The following CTNND2 variants were observed in gnomAD, a reference collection of about 807,000 sequenced individuals.
The protein encoded by CTNND2 is catenin delta-2.
In CTNND2, 22 loss-of-function variants were observed where a neutral mutation model predicts 144.4. The observed-to-expected ratio is 0.15, with a 90% confidence interval of 0.11 to 0.22. The LOEUF (loss-of-function observed/expected upper bound fraction) is 0.22. Among genes scored for constraint, CTNND2 ranks in the 10% least tolerant of loss-of-function variants. CTNND2 has a pLI of 1.00. For synonymous variants in CTNND2, 751 were observed against 695.6 expected, an observed-to-expected ratio of 1.08 and a Z score of -1.25; for missense variants, 1,353 against 1,618.8, an observed-to-expected ratio of 0.84 and a Z score of 2.82.
intron 3 of CTNND2, among the ~76,000 whole-genome samples, chr5:11,536,777 G>A (rs7730704): frequency 0.46 from 69,853 of 151,770 alleles, 16,512 homozygotes; most frequent in Middle Eastern, 0.59. Context: ...GGTACAGTGC[G>A]CACTGTTCGG....
rs546278300 is a variant in CTNND2, at chr5:11,714,011, A to T, written c.174+18125T>A. ...GACCGTAGCCTCGACAACAAGTTCA[A>T]TATTAGTTTAACTGTAAATTACATT... On this transcript the variant is annotated intron_variant, in intron 2 of 21. Transcript: ENST00000304623. 2.6e-5 allele frequency among the ~76,000 whole-genome samples: 4 copies of T among 152,310 alleles called. No individual in the cohort carries two copies. The South Asian group carries it at 8.3e-4, about 32-fold the overall frequency.
chr5:11,413,924 A>C (rs1407031797), intron 3 of CTNND2, among the ~76,000 whole-genome samples: 1 of 152,174 alleles, frequency 6.6e-6, no homozygotes, highest in East Asian at 1.9e-4. Flanking sequence ...CCTCTCTCAA[A>C]AGATATGTCC....
chr5:11,458,565 G>A (rs531057258), intron 3 of CTNND2, among the ~76,000 whole-genome samples: 3 of 152,226 alleles, frequency 2.0e-5, no homozygotes, highest in Non-Finnish European at 2.9e-5. Flanking sequence ...AGGCAGAGGT[G>A]GAAACCAGGA....
At chr5:11,673,358 G>A (rs181946799) in intron 2 of CTNND2, among the ~76,000 whole-genome samples, 357 of 152,180 alleles carry the variant, frequency 2.3e-3, no homozygotes, top group Non-Finnish European at 4.3e-3. Flanking sequence ...CTATTATTAC[G>A]CAGATGAATA....
chr5:11,562,445 A>G (rs1230013916), intron 3 of CTNND2, among the ~76,000 whole-genome samples: 2 of 152,242 alleles, frequency 1.3e-5, no homozygotes, highest in Non-Finnish European at 2.9e-5. Flanking sequence ...AAACAGTGGA[A>G]GTGATGCTAT....
intron 1 of CTNND2, among the ~76,000 whole-genome samples, chr5:11,735,575 C>T (rs1470653444): frequency 1.3e-5 from 2 of 152,292 alleles, no homozygotes; most frequent in South Asian, 2.1e-4. Flanking sequence ...TGAATGGTAG[C>T]TTCCATAATC....
chr5:11,022,867 C>T lies in CTNND2; in HGVS notation c.2901G>A (p.Leu967=), dbSNP rs1381231847. Residue 967 remains leucine, a synonymous_variant, in exon 17 of 22, where the codon CTG becomes CTA. Transcript: ENST00000304623. ...CCATGTTCTTGGTAATCACTTCGTG[C>T]AGTGTGCAGCAGACAGCTGTCACTG... is the stretch of plus-strand genomic sequence containing the variant. The part of the protein sequence containing the change: ...DDTVTAVCCT[L]HEVITKNMEN... 1 of 1,614,250 alleles carries T rather than the reference C, an allele frequency of 6.2e-7. No individual in the cohort carries two copies. The highest frequency in any genetic ancestry group is 2.2e-5 in the East Asian group (1 of 44,890).
intron 21 of CTNND2, among the ~76,000 whole-genome samples, chr5:10,978,441 C>T (rs535854921): frequency 2.2e-4 from 34 of 152,326 alleles, no homozygotes; most frequent in African/African-American, 7.2e-4. Context: ...TGCTTTCTTT[C>T]CTTCCTCTCC....
intron 10 of CTNND2, among the ~76,000 whole-genome samples, chr5:11,229,619 A>T (rs1045695553): frequency 9.9e-5 from 15 of 151,866 alleles, no homozygotes; most frequent in Non-Finnish European, 1.5e-5. Context: ...ACTAAGATAC[A>T]TATTACCTTG....
intron 9 of CTNND2, among the ~76,000 whole-genome samples, chr5:11,269,069 C>T (rs1013717014): frequency 5.3e-5 from 8 of 152,234 alleles, no homozygotes; most frequent in African/African-American, 1.9e-4. Context: ...TGGAGGCTAC[C>T]TGCCTTGGCT....
rs562884473 is a variant in CTNND2 at position 11,717,852 on chromosome 5, C to T, written c.174+14284G>A. ...TCAGTTATCTCCACCTGGCCCCACT[C>T]TTGACATCTGGGGATTATTACAATT... is the stretch of plus-strand genomic sequence containing the variant. On this transcript the variant is annotated intron_variant, in intron 2 of 21. Coordinates refer to ENST00000304623, the MANE Select transcript of CTNND2 (RefSeq NM_001332.4). Among the ~76,000 whole-genome samples the T allele has an allele frequency of 3.5e-4, 54 of 152,268 alleles. 1 individual carries two copies. The highest frequency in any genetic ancestry group is 1.3e-3 in the African/African-American group (53 of 41,550).
intron 3 of CTNND2, among the ~76,000 whole-genome samples, chr5:11,454,977 AAAATGGAATGCTGGC>A (rs1765612089): frequency 6.6e-6 from 1 of 151,920 alleles, no homozygotes; most frequent in Admixed American, 6.6e-5. Flanking sequence ...TGAGTATTAG[AAAATGGAATGCTGGC>A]AAATAATTTA....
In CTNND2 at chr5:11,793,541, G is replaced by A. The variant is rs539073981; in HGVS notation, c.38-61269C>T. The stretch of plus-strand genomic sequence containing the variant: ...TATGACAGATGTCCTCATGAAAAAG[G>A]GAAATATGGACACAGACATGTGCAC... On this transcript the variant is annotated intron_variant, in intron 1 of 21. Coordinates refer to ENST00000304623, the MANE Select transcript of CTNND2 (RefSeq NM_001332.4). Among the ~76,000 whole-genome samples, 6 of 152,308 alleles carry A rather than the reference G, an allele frequency of 3.9e-5. No homozygotes were observed. The East Asian group carries it at 1.2e-3, about 29-fold the overall frequency.
At chr5:11,145,304 G>C (rs1405968399) in intron 12 of CTNND2, among the ~76,000 whole-genome samples, 1 of 150,954 alleles carries the variant, frequency 6.6e-6, no homozygotes, top group Non-Finnish European at 1.5e-5. Flanking sequence ...TAAACTAAAG[G>C]TGGGATCTGG....
At chr5:11,232,150 G>A (rs1056251922) in intron 10 of CTNND2, among the ~76,000 whole-genome samples, 1 of 152,242 alleles carries the variant, frequency 6.6e-6, no homozygotes, top group East Asian at 1.9e-4. Context: ...TGTTGCAGGG[G>A]TGGAGCCCTC....
intron 9 of CTNND2, among the ~76,000 whole-genome samples, chr5:11,332,477 G>C (rs1280896170): frequency 6.6e-6 from 1 of 151,950 alleles, no homozygotes. Context: ...ATTTATGATG[G>C]TAAAATATAC....
In CTNND2 at chr5:11,272,599, C is replaced by T. The variant is rs534338073; in HGVS notation, c.1629-35776G>A. Among the ~76,000 whole-genome samples the T allele has an allele frequency of 2.6e-5, 4 of 152,220 alleles. No individual in the cohort carries two copies. In the East Asian group the frequency reaches 7.7e-4, roughly 29 times the overall value. On this transcript the variant is annotated intron_variant, in intron 9 of 21. Transcript: ENST00000304623. ...TAAATACTGGTGAAAACGCTCTGAACTGATTTTACAACTCCATCGTAGGTG... is the reference window on the plus strand; with the variant it reads ...TAAATACTGGTGAAAACGCTCTGAATTGATTTTACAACTCCATCGTAGGTG...
At position 11,565,031 on chromosome 5, in the gene CTNND2, C is replaced by A. The variant is rs777770919; in HGVS notation, c.200G>T (p.Arg67Leu). The change falls in exon 3 of 22, where the codon CGA becomes CTA. Residue 67 changes from arginine (R) to leucine (L), a missense_variant. Around this residue, in one of 4 missense-constraint regions of CTNND2, gnomAD observed 708 missense variants for 706.4 expected, o/e 1.00. Coordinates refer to ENST00000304623, the MANE Select transcript of CTNND2 (RefSeq NM_001332.4). ...EQELQFERLT[R>L]ELEAERQIVA... ...GATCTGCCGTTCAGCCTCCAGCTCT[C>A]GGGTCAGCCTTTCAAACTGTAATTC... The A allele has an allele frequency of 1.2e-6, 2 of 1,613,952 alleles. No individual in the cohort carries two copies. Among genetic ancestry groups the A allele is most frequent in the African/African-American group, 2.7e-5 (2 of 75,062 alleles).
At chr5:11,066,182 G>C (rs1278521386) in intron 16 of CTNND2, among the ~76,000 whole-genome samples, 2 of 151,858 alleles carry the variant, frequency 1.3e-5, no homozygotes, top group Non-Finnish European at 2.9e-5. Flanking sequence ...TGGGACTACA[G>C]GTGCACGCCA....
Sources: gnomAD v4.1 joint callset for allele counts (sites outside exome capture counted in the v4.1 genomes callset) on GRCh38, gnomAD v4.1.1 for gene constraint, gnomAD v4.1.1 regional missense constraint, MANE v1.5 for transcripts, NCBI Gene and HGNC (gene_info 2026-07-23, HGNC 2026-07-21) for gene names.